Variants in CERT1 observed in about 807,000 individuals in gnomAD.
The protein encoded by CERT1 is ceramide transporter 1.
Under a neutral mutation model 87.9 loss-of-function variants are expected in CERT1, and 31 were observed. The observed-to-expected ratio is 0.35, with a 90% confidence interval of 0.27 to 0.48. The LOEUF is 0.48. Ranked by LOEUF, CERT1 falls within the 20% of genes least tolerant of loss-of-function variation. CERT1 has a pLI of 0.99. For missense variants in CERT1, 487 were observed against 758.0 expected (o/e 0.64, Z 4.20); for synonymous variants, 289 against 250.9 (o/e 1.15, Z -1.44).
upstream of CERT1, chr5:75,511,811 G>T (rs749311902): frequency 6.4e-7 from 1 of 1,551,500 alleles, no homozygotes; most frequent in South Asian, 1.2e-5. Flanking sequence ...GCGGAGAAAG[G>T]AGAGGGCGGG....
intron 9 of CERT1, 30 bp downstream of exon 9, chr5:75,402,942 T>C (rs776284016): frequency 1.4e-6 from 2 of 1,384,844 alleles, no homozygotes; most frequent in African/African-American, 2.9e-5. Flanking sequence ...AAAATAAATT[T>C]CAGCTTAGAA....
At position 75,508,431 on chromosome 5, in the gene CERT1, T is replaced by C. The variant is rs532717840; in HGVS notation, c.97-2315A>G. Among the ~76,000 whole-genome samples, 4 of 152,356 alleles carry C rather than the reference T, an allele frequency of 2.6e-5. No homozygotes were observed. In the South Asian group the frequency reaches 8.3e-4, roughly 32 times the overall value. The stretch of plus-strand genomic sequence containing the variant: ...GTTAGAGGAGAAGCCCCAGCAATTA[T>C]GTATCCATAACTTAATATTAGTTCT... On this transcript the variant is annotated intron_variant, in intron 1 of 16. Coordinates refer to ENST00000643780, the MANE Select transcript of CERT1 (RefSeq NM_001379029.1).
At chr5:75,500,236 T>C (rs979055507) in intron 2 of CERT1, among the ~76,000 whole-genome samples, 6 of 152,168 alleles carry the variant, frequency 3.9e-5, no homozygotes, top group Admixed American at 3.9e-4. Context: ...TTCCAGCCTC[T>C]GGAACTGTGA....
intron 9 of CERT1, chr5:75,401,273 C>T (rs1445985666): frequency 6.6e-6 from 1 of 152,126 alleles, no homozygotes; most frequent in Non-Finnish European, 1.5e-5. Flanking sequence ...TTTTCTAAAG[C>T]TTACGGAAGG....
At chr5:75,464,152 A>T (rs1055313578) in intron 2 of CERT1, among the ~76,000 whole-genome samples, 4 of 152,226 alleles carry the variant, frequency 2.6e-5, no homozygotes, top group African/African-American at 9.6e-5. Context: ...ACTGAAAATT[A>T]AAAATCTACC....
intron 2 of CERT1, among the ~76,000 whole-genome samples, chr5:75,480,198 A>G (rs1354896157): frequency 6.6e-6 from 1 of 152,232 alleles, no homozygotes; most frequent in Non-Finnish European, 1.5e-5. Flanking sequence ...CATCATTTAC[A>G]TAATATTCTG....
chr5:75,467,080 T>C (rs1036100472), intron 2 of CERT1, among the ~76,000 whole-genome samples: 7 of 152,186 alleles, frequency 4.6e-5, no homozygotes, highest in African/African-American at 1.2e-4. Flanking sequence ...TGTCCTTCAA[T>C]TGGTGAATGC....
At chr5:75,477,675 AAAC>A (rs1033507431) in intron 2 of CERT1, among the ~76,000 whole-genome samples, 14 of 148,026 alleles carry the variant, frequency 9.5e-5, no homozygotes, top group East Asian at 3.9e-4. Flanking sequence ...AAAAACAACC[AAAC>A]AACAACAACA....
At chr5:75,478,518 A>T (rs1284601417) in intron 2 of CERT1, among the ~76,000 whole-genome samples, 2 of 152,142 alleles carry the variant, frequency 1.3e-5, no homozygotes, top group Non-Finnish European at 2.9e-5. Context: ...AAAAAGAATG[A>T]GAATCAGCAA....
At chr5:75,462,216 G>C (rs1332016747) in intron 2 of CERT1, among the ~76,000 whole-genome samples, 1 of 152,042 alleles carries the variant, frequency 6.6e-6, no homozygotes, top group East Asian at 1.9e-4. Flanking sequence ...AACATTGAGA[G>C]GTGATAAATA....
At chr5:75,451,716 A>G (rs574144645) in intron 3 of CERT1, among the ~76,000 whole-genome samples, 1 of 152,316 alleles carries the variant, frequency 6.6e-6, no homozygotes, top group African/African-American at 2.4e-5. Flanking sequence ...TTGATATTTA[A>G]AAACTACTAA....
chr5:75,426,877 G>C (rs533206376), intron 3 of CERT1, among the ~76,000 whole-genome samples: 1 of 152,328 alleles, frequency 6.6e-6, no homozygotes, highest in African/African-American at 2.4e-5. Context: ...TTGAACAATA[G>C]TGTGAATGTA....
chr5:75,435,899 G>C (rs1279088435), intron 3 of CERT1, among the ~76,000 whole-genome samples: 1 of 152,158 alleles, frequency 6.6e-6, no homozygotes, highest in Non-Finnish European at 1.5e-5. Flanking sequence ...CATATGCACA[G>C]GTGGGGCAGT....
chr5:75,492,081 A>T (rs2112430725), intron 2 of CERT1, among the ~76,000 whole-genome samples: 1 of 152,264 alleles, frequency 6.6e-6, no homozygotes, highest in East Asian at 1.9e-4. Flanking sequence ...GCAGTGTCTC[A>T]CACTGTAATC....
At chr5:75,419,826 C>T (rs2112160933) in intron 5 of CERT1, among the ~76,000 whole-genome samples, 1 of 152,276 alleles carries the variant, frequency 6.6e-6, no homozygotes, top group Middle Eastern at 3.4e-3. Flanking sequence ...GGGAAGGTTA[C>T]TGAGTTATGA....
chr5:75,444,930 T>G (rs1431169926), intron 3 of CERT1, among the ~76,000 whole-genome samples: 1 of 152,220 alleles, frequency 6.6e-6, no homozygotes, highest in Non-Finnish European at 1.5e-5. Flanking sequence ...GTGGTTATCA[T>G]CGGGATGATA....
At chr5:75,426,591 C>T in intron 3 of CERT1, 113 bp from the exon 4 acceptor site, 4 of 697,828 alleles carry the variant, frequency 5.7e-6, no homozygotes, top group South Asian at 5.4e-5. Flanking sequence ...TCTGGGTGCA[C>T]ATAAGATATA....
At chr5:75,443,304 G>A (rs1018881733) in intron 3 of CERT1, among the ~76,000 whole-genome samples, 1 of 151,932 alleles carries the variant, frequency 6.6e-6, no homozygotes, top group African/African-American at 2.4e-5. Context: ...CTATGTTGTT[G>A]ATTTGAGGTC....
Position 75,459,011 on chromosome 5 carries a change from G to T in CERT1, c.348+54C>A. 7 of 976,292 alleles carry T rather than the reference G, an allele frequency of 7.2e-6. No individual in the cohort carries two copies. In the Admixed American group the frequency reaches 8.3e-5, roughly 12 times the overall value. 60.5% of individuals were successfully genotyped at this position (976,292 alleles called of 1,614,324 possible). A position where few individuals can be genotyped will look rare whatever the true frequency, so the allele number is the denominator to read the frequency against. ...ATGTCAACTTTTTTTTTAAGGTATT[G>T]TCAACAATCTCTTACCTAGTCCTCC... On this transcript the variant is annotated intron_variant, in intron 3 of 16. Transcript: ENST00000643780.
Sources: gnomAD v4.1 joint callset for allele counts (sites outside exome capture counted in the v4.1 genomes callset) on GRCh38, gnomAD v4.1.1 for gene constraint, MANE v1.5 for transcripts, NCBI Gene and HGNC (gene_info 2026-07-23, HGNC 2026-07-21) for gene names.